The following MRTFA variants were observed in gnomAD, a reference collection of about 807,000 sequenced individuals.
The protein encoded by MRTFA is myocardin related transcription factor A, also known as myocardin-related transcription factor A.
Under a neutral mutation model 83.5 loss-of-function variants are expected in MRTFA, and 20 were observed. The ratio of observed to expected loss-of-function variants is 0.24; its 90% CI spans 0.17 to 0.35. The LOEUF is 0.35. Among genes scored for constraint, MRTFA ranks in the 10% least tolerant of loss-of-function variants. MRTFA has a pLI of 1.00. For missense variants in MRTFA, 1,200 were observed against 1,224.7 expected, an observed-to-expected ratio of 0.98 and a Z score of 0.30; for synonymous variants, 659 against 541.2, an observed-to-expected ratio of 1.22 and a Z score of -3.02.
In MRTFA at chr22:40,470,231, T is replaced by TA. The variant is rs2053877102; in HGVS notation, c.242-6946_242-6945insT. 1.8e-4 allele frequency among the ~76,000 whole-genome samples: 8 copies of TA among 45,650 alleles called. 1 individual carries two copies. The highest frequency in any genetic ancestry group is 1.3e-3 in the African/African-American group (8 of 6,044). 29.9% of individuals were successfully genotyped at this position (45,650 alleles called of 152,430 possible). A position where few individuals can be genotyped will look rare whatever the true frequency, so the allele number is the denominator to read the frequency against. Reference sequence around the variant, plus strand: ...ACAGCAAGACCCCATCTCCAAAATTTTATATATATATATATATATATATAT... The same window carrying TA: ...ACAGCAAGACCCCATCTCCAAAATTTATATATATATATATATATATATATAT... On this transcript the variant is annotated intron_variant, in intron 3 of 14. Transcript: ENST00000355630.
intron 3 of MRTFA, among the ~76,000 whole-genome samples, chr22:40,520,768 C>T (rs765294993): frequency 1.3e-5 from 2 of 152,106 alleles, no homozygotes; most frequent in Non-Finnish European, 2.9e-5. Flanking sequence ...GAATAATATT[C>T]CATTGTATGG....
At chr22:40,459,860 T>TATATATATATATATATATATAC (rs2053677983) in intron 4 of MRTFA, among the ~76,000 whole-genome samples, 1 of 130,502 alleles carries the variant, frequency 7.7e-6, no homozygotes, top group Non-Finnish European at 1.6e-5. Flanking sequence ...TATATATATA[T>TATATATATATATATATATATAC]ATACACACAT....
intron 3 of MRTFA, among the ~76,000 whole-genome samples, chr22:40,548,927 A>G (rs1008388112): frequency 1.1e-4 from 16 of 152,140 alleles, no homozygotes; most frequent in African/African-American, 3.4e-4. Context: ...AACAAAACTA[A>G]TATTTGTATG....
chr22:40,498,387 T>C (rs545828624), intron 3 of MRTFA, among the ~76,000 whole-genome samples: 2 of 143,492 alleles, frequency 1.4e-5, no homozygotes, highest in South Asian at 2.3e-4. Context: ...TGGGCTGAGA[T>C]GATCCTCTCA....
At chr22:40,591,692 T>C (rs1044136117) in intron 2 of MRTFA, among the ~76,000 whole-genome samples, 34 of 152,186 alleles carry the variant, frequency 2.2e-4, no homozygotes, top group African/African-American at 7.5e-4. Context: ...ATATAAATTA[T>C]ACCTCAAAGT....
intron 3 of MRTFA, among the ~76,000 whole-genome samples, chr22:40,498,180 C>T (rs1365349871): frequency 1.4e-5 from 2 of 147,328 alleles, no homozygotes; most frequent in Non-Finnish European, 3.0e-5. Context: ...ACAAATATAG[C>T]ATGCACTTAC....
chr22:40,603,009 GA>G (rs1487966562), intron 1 of MRTFA, among the ~76,000 whole-genome samples: 2 of 152,076 alleles, frequency 1.3e-5, no homozygotes, highest in Non-Finnish European at 2.9e-5. Context: ...AATATTTGCT[GA>G]AAAAATAGTG....
At chr22:40,455,664 ACAT>A (rs2053572282) in intron 4 of MRTFA, among the ~76,000 whole-genome samples, 3 of 109,326 alleles carry the variant, frequency 2.7e-5, no homozygotes, top group East Asian at 7.0e-4. Flanking sequence ...AAAAAAAAAA[ACAT>A]ATGGAGTGGA....
At chr22:40,424,706 T>G (rs893791067) in intron 7 of MRTFA, among the ~76,000 whole-genome samples, 10 of 152,196 alleles carry the variant, frequency 6.6e-5, no homozygotes, top group Admixed American at 3.9e-4. Context: ...CTCCCTCCCT[T>G]GCTCCTCCCT....
intron 2 of MRTFA, chr22:40,569,791 G>A (rs1254550221): frequency 6.6e-6 from 1 of 152,370 alleles, no homozygotes; most frequent in African/African-American, 2.4e-5. Flanking sequence ...AGGGGGTGAT[G>A]TCTCTGTTTG....
chr22:40,505,497 A>T (rs2054565447), intron 3 of MRTFA, among the ~76,000 whole-genome samples: 1 of 152,258 alleles, frequency 6.6e-6, no homozygotes, highest in African/African-American at 2.4e-5. Flanking sequence ...ATACAAGAGA[A>T]GTAGTCAATA....
At chr22:40,554,884 C>T (rs1353396414) in intron 2 of MRTFA, among the ~76,000 whole-genome samples, 1 of 152,206 alleles carries the variant, frequency 6.6e-6, no homozygotes, top group Non-Finnish European at 1.5e-5. Flanking sequence ...TTTGGGAACC[C>T]CTCCCTTTAT....
intron 5 of MRTFA, 92 bp downstream of exon 5, chr22:40,435,400 AGAGTTCT>A: frequency 1.5e-6 from 2 of 1,335,152 alleles, no homozygotes; most frequent in South Asian, 2.3e-5. Flanking sequence ...CTCTGGCCTC[AGAGTTCT>A]ATGGAAAGCT....
chr22:40,538,860 T>C (rs2055235107), intron 3 of MRTFA, among the ~76,000 whole-genome samples: 1 of 152,068 alleles, frequency 6.6e-6, no homozygotes, highest in Non-Finnish European at 1.5e-5. Context: ...GAGATAATGA[T>C]CTTAATTTCC....
At chr22:40,463,475 G>A in intron 3 of MRTFA, 189 bp from the exon 4 acceptor site, 1 of 549,932 alleles carries the variant, frequency 1.8e-6, no homozygotes. Context: ...ATTCTGCTGT[G>A]GGCGGTGAGA....
chr22:40,592,266 C>CA (rs398037181), intron 2 of MRTFA, among the ~76,000 whole-genome samples: 39,103 of 86,312 alleles, frequency 0.45, 8,038 homozygotes, highest in East Asian at 0.61. Flanking sequence ...TCAGTCTCTA[C>CA]AAAAAAAAAA....
chr22:40,595,164 G>A (rs1436369613), intron 1 of MRTFA, among the ~76,000 whole-genome samples: 1 of 146,682 alleles, frequency 6.8e-6, no homozygotes, highest in African/African-American at 2.5e-5. Context: ...TCTGTCGCCG[G>A]GCTGGAATGC....
chr22:40,458,599 G>A (rs1023336849), intron 4 of MRTFA, among the ~76,000 whole-genome samples: 6 of 152,152 alleles, frequency 3.9e-5, no homozygotes, highest in Non-Finnish European at 7.3e-5. Flanking sequence ...GGAAGATGAG[G>A]TAGATGGGTT....
chr22:40,581,167 T>C (rs1173294888), intron 2 of MRTFA, among the ~76,000 whole-genome samples: 2 of 152,118 alleles, frequency 1.3e-5, no homozygotes, highest in African/African-American at 2.4e-5. Context: ...TATTGACACA[T>C]GTAGACCTGA....
Sources: gnomAD v4.1 joint callset for allele counts (sites outside exome capture counted in the v4.1 genomes callset) on GRCh38, gnomAD v4.1.1 for gene constraint, MANE v1.5 for transcripts, NCBI Gene and HGNC (gene_info 2026-07-23, HGNC 2026-07-21) for gene names.